The following MYOM2 variants were observed in gnomAD, a reference collection of about 807,000 sequenced individuals.
MYOM2 encodes the protein myomesin-2.
In MYOM2, 254 loss-of-function variants were observed where a neutral mutation model predicts 187.6. That is an observed-to-expected ratio of 1.35 (90% CI 1.22 to 1.50). The LOEUF is 1.50. Ranked by LOEUF, MYOM2 falls within the 40% of genes most tolerant of loss-of-function variation. MYOM2 has a pLI of 0.00. For synonymous variants in MYOM2, 981 were observed against 753.8 expected (o/e 1.30, Z -4.94); for missense variants, 2,796 against 1,924.0 (o/e 1.45, Z -8.48).
chr8:2,060,331 CAGAT>C (rs1231779740), intron 6 of MYOM2, among the ~76,000 whole-genome samples: 1 of 152,090 alleles, frequency 6.6e-6, no homozygotes, highest in Non-Finnish European at 1.5e-5. Flanking sequence ...TATCAAGAGA[CAGAT>C]AGTAACAATT....
intron 6 of MYOM2, among the ~76,000 whole-genome samples, chr8:2,062,885 G>A (rs144287734): frequency 6.6e-6 from 1 of 152,298 alleles, no homozygotes; most frequent in African/African-American, 2.4e-5. Context: ...ACGTTGCGTT[G>A]ACATCGGTGT....
At chr8:2,127,188 G>T (rs28569941) in intron 31 of MYOM2, among the ~76,000 whole-genome samples, 10,316 of 152,084 alleles carry the variant, frequency 0.068, 560 homozygotes, top group South Asian at 0.19. Flanking sequence ...ACTTCACCCA[G>T]TTCCCAAGCT....
chr8:2,141,093 A>T (rs1342473687), intron 33 of MYOM2, 48 bp from the exon 34 acceptor site: 3 of 1,568,698 alleles, frequency 1.9e-6, no homozygotes, highest in African/African-American at 1.3e-5. Context: ...GAATAAATAA[A>T]ATCTGAACAC....
chr8:2,062,530 A>G (rs1818884830), intron 6 of MYOM2, among the ~76,000 whole-genome samples: 1 of 152,158 alleles, frequency 6.6e-6, no homozygotes, highest in Admixed American at 6.5e-5. Flanking sequence ...TGGCCATCAC[A>G]GCGGGGTAGG....
chr8:2,130,543 G>A (rs562793471), intron 32 of MYOM2, among the ~76,000 whole-genome samples: 2 of 152,342 alleles, frequency 1.3e-5, no homozygotes, highest in East Asian at 3.9e-4. Context: ...TTGCTTAGGT[G>A]ACTGTAAGTA....
chr8:2,087,689 C>T (rs1166876694), intron 14 of MYOM2, among the ~76,000 whole-genome samples: 1 of 152,232 alleles, frequency 6.6e-6, no homozygotes, highest in East Asian at 1.9e-4. Flanking sequence ...TGGCTCACTG[C>T]AGTCTCCACC....
At position 2,116,275 on chromosome 8, in the gene MYOM2, G is replaced by C. The variant is rs757002569; in HGVS notation, c.3385G>C (p.Gly1129Arg). The change falls in exon 27 of 37, where the codon GGC becomes CGC. Residue 1129 changes from glycine to arginine, a missense_variant and splice_region_variant. Gly to Arg is a moderately radical substitution (Grantham distance 125, BLOSUM62 -2). Transcript: ENST00000262113. Reference protein sequence around the residue: ...FQRKEFLRKQGPHFAEYLHWD... With the variant: ...FQRKEFLRKQRPHFAEYLHWD... ...AAGGAAAGAATTTCTCAGGAAACAA[G>C]GTGAGTTTCCTCACTCTGACCGGCT... 1 of 1,612,440 alleles carries C rather than the reference G, an allele frequency of 6.2e-7. No homozygotes were observed. The highest frequency in any genetic ancestry group is 1.1e-5 in the South Asian group (1 of 90,702).
At chr8:2,135,491 C>T (rs932557970) in intron 32 of MYOM2, among the ~76,000 whole-genome samples, 1 of 152,100 alleles carries the variant, frequency 6.6e-6, no homozygotes, top group East Asian at 1.9e-4. Flanking sequence ...GAGCCCAGAC[C>T]TTCTCTCCTC....
intron 13 of MYOM2, among the ~76,000 whole-genome samples, chr8:2,084,337 C>G (rs541243902): frequency 6.6e-6 from 1 of 152,312 alleles, no homozygotes; most frequent in East Asian, 1.9e-4. Flanking sequence ...GCTCAGGAAA[C>G]GAAACCCAGT....
chr8:2,052,607 C>T (rs1429513930), intron 3 of MYOM2, among the ~76,000 whole-genome samples: 2 of 152,234 alleles, frequency 1.3e-5, no homozygotes, highest in African/African-American at 2.4e-5. Context: ...CCATGTCTCA[C>T]GCATGTCCCA....
At chr8:2,125,351 T>C (rs908167080) in intron 31 of MYOM2, among the ~76,000 whole-genome samples, 1 of 152,196 alleles carries the variant, frequency 6.6e-6, no homozygotes, top group Non-Finnish European at 1.5e-5. Flanking sequence ...AGACTGTCTT[T>C]CCCTATTGTG....
rs762382419 is a variant in MYOM2 at position 2,101,017 on chromosome 8, C to T, written c.2582C>T (p.Thr861Ile). 7 of 1,614,138 alleles carry T rather than the reference C, an allele frequency of 4.3e-6. No homozygotes were observed. The highest frequency in any genetic ancestry group is 5.1e-6 in the Non-Finnish European group (6 of 1,180,034). Reference sequence around the variant, plus strand: ...GAGGAGGATGCTGGAGAGTGGATCACTGTCAATCAGACGACAACAGCCAGC... The same window carrying T: ...GAGGAGGATGCTGGAGAGTGGATCATTGTCAATCAGACGACAACAGCCAGC... ...FREEDAGEWI[T>I]VNQTTTASRY... Residue 861 changes from threonine to isoleucine, a missense_variant, in exon 20 of 37, where the codon ACT (threonine) becomes ATT (isoleucine). Coordinates refer to ENST00000262113, the MANE Select transcript of MYOM2 (RefSeq NM_003970.4).
At chr8:2,111,309 A>C (rs1206579585) in intron 25 of MYOM2, among the ~76,000 whole-genome samples, 1 of 152,240 alleles carries the variant, frequency 6.6e-6, no homozygotes, top group Non-Finnish European at 1.5e-5. Context: ...GCACTCATAA[A>C]ATCATTCAAC....
chr8:2,064,609 T>A (rs577991935), intron 6 of MYOM2, among the ~76,000 whole-genome samples: 1 of 152,212 alleles, frequency 6.6e-6, no homozygotes, highest in Non-Finnish European at 1.5e-5. Context: ...CACCAAGTGC[T>A]AATTGGTGAC....
chr8:2,124,125 T>A (rs1170348860), intron 30 of MYOM2, 54 bp from the exon 31 acceptor site: 2 of 1,529,982 alleles, frequency 1.3e-6, no homozygotes, highest in East Asian at 4.5e-5. Flanking sequence ...TTGAAAATGC[T>A]GCTTTCGGTT....
At chr8:2,139,052 G>A (rs148327306) in intron 32 of MYOM2, among the ~76,000 whole-genome samples, 13 of 137,896 alleles carry the variant, frequency 9.4e-5, no homozygotes, top group African/African-American at 3.4e-4. Context: ...CCAGAGACCC[G>A]ACACACACTG....
At chr8:2,087,993 C>T (rs927371726) in intron 14 of MYOM2, among the ~76,000 whole-genome samples, 2 of 152,118 alleles carry the variant, frequency 1.3e-5, no homozygotes, top group Non-Finnish European at 2.9e-5. Flanking sequence ...AGTGTGTGGG[C>T]AGAACTACCT....
chr8:2,111,041 A>C (rs542920486), intron 25 of MYOM2, among the ~76,000 whole-genome samples: 45 of 152,324 alleles, frequency 3.0e-4, no homozygotes, highest in African/African-American at 9.6e-4. Context: ...AATTGGAGAA[A>C]TCTTCTTTGA....
At chr8:2,104,487 C>T (rs945915108) in intron 21 of MYOM2, among the ~76,000 whole-genome samples, 3 of 151,940 alleles carry the variant, frequency 2.0e-5, no homozygotes, top group African/African-American at 7.3e-5. Context: ...CGCCTGTAGT[C>T]CCAGCTACTC....
Sources: allele counts gnomAD v4.1 joint callset (sites outside exome capture counted in the v4.1 genomes callset), GRCh38; gene constraint gnomAD v4.1.1; transcripts MANE v1.5; gene names NCBI Gene and HGNC (gene_info 2026-07-23, HGNC 2026-07-21).